The following GNG4 variants were observed in gnomAD, a reference collection of about 807,000 sequenced individuals.
GNG4 encodes G protein subunit gamma 4, also known as guanine nucleotide-binding protein G(I)/G(S)/G(O) subunit gamma-4.
A neutral mutation model predicts 5.8 loss-of-function variants in GNG4; 4 were observed. That is an observed-to-expected ratio of 0.69 (90% CI 0.34 to 1.57). The LOEUF (loss-of-function observed/expected upper bound fraction) is 1.57. Among genes scored for constraint, GNG4 ranks in the 40% most tolerant of loss-of-function variants. GNG4 has a pLI of 0.06. For synonymous variants in GNG4, 29 were observed against 32.9 expected (o/e 0.88, Z 0.41); for missense variants, 96 against 95.1 (o/e 1.01, Z -0.04).
chr1:235,548,670 G>A lies in GNG4; in HGVS notation c.*3439C>T, dbSNP rs1373259504. 6.6e-6 allele frequency: 1 copy of A among 152,212 alleles called. No individual in the cohort carries two copies. The highest frequency in any genetic ancestry group is 2.4e-5 in the African/African-American group (1 of 41,422). 9.4% of individuals were successfully genotyped at this position (152,212 alleles called of 1,614,324 possible). A position where few individuals can be genotyped will look rare whatever the true frequency, so the allele number is the denominator to read the frequency against. On this transcript the variant is annotated 3_prime_UTR_variant, in exon 4 of 4. Coordinates refer to ENST00000391854, the MANE Select transcript of GNG4 (RefSeq NM_001098722.2). ...ACTTCCCTTCTTCAGCTTCCACGGTGGGTACTGCACACCACTAAGTTTATA... is the reference window on the plus strand; with the variant it reads ...ACTTCCCTTCTTCAGCTTCCACGGTAGGTACTGCACACCACTAAGTTTATA...
At chr1:235,633,456 G>A (rs1688973513) in intron 1 of GNG4, among the ~76,000 whole-genome samples, 1 of 152,102 alleles carries the variant, frequency 6.6e-6, no homozygotes, top group Non-Finnish European at 1.5e-5. Flanking sequence ...GGCTGGCTCT[G>A]GTTATTTCTC....
At chr1:235,585,886 A>C (rs1687747626) in intron 2 of GNG4, among the ~76,000 whole-genome samples, 2 of 152,206 alleles carry the variant, frequency 1.3e-5, no homozygotes, top group South Asian at 4.1e-4. Context: ...TTAAGTAATA[A>C]ATTAAGTCAT....
chr1:235,567,488 G>C (rs979268161), intron 3 of GNG4, among the ~76,000 whole-genome samples: 3 of 152,084 alleles, frequency 2.0e-5, no homozygotes, highest in Non-Finnish European at 4.4e-5. Context: ...CCCAGGCCCT[G>C]GAGAACACCA....
chr1:235,555,732 G>T (rs1686885610), intron 3 of GNG4, among the ~76,000 whole-genome samples: 1 of 151,084 alleles, frequency 6.6e-6, no homozygotes, highest in Non-Finnish European at 1.5e-5. Flanking sequence ...AAATAAAAAT[G>T]GAATATATTT....
At chr1:235,607,492 G>A (rs1235450012) in intron 1 of GNG4, among the ~76,000 whole-genome samples, 1 of 152,198 alleles carries the variant, frequency 6.6e-6, no homozygotes, top group Non-Finnish European at 1.5e-5. Context: ...CTACTCTCGG[G>A]AGGCAGCCGC....
chr1:235,561,110 A>C (rs1255018655), intron 3 of GNG4, among the ~76,000 whole-genome samples: 1 of 152,180 alleles, frequency 6.6e-6, no homozygotes, highest in Non-Finnish European at 1.5e-5. Flanking sequence ...CACGGGTTCA[A>C]GACATTCTCC....
At position 235,627,347 on chromosome 1, in the gene GNG4, C is replaced by T. The variant is rs554907814; in HGVS notation, c.-123+22315G>A. Among the ~76,000 whole-genome samples the T allele has an allele frequency of 5.6e-4, 85 of 152,118 alleles. No homozygotes were observed. In the East Asian group the frequency reaches 0.014, roughly 25 times the overall value. On this transcript the variant is annotated intron_variant, in intron 1 of 3. Coordinates refer to ENST00000391854, the MANE Select transcript of GNG4 (RefSeq NM_001098722.2). Reference sequence around the variant, plus strand: ...AAGCAATTCTCCTGCCTCAGCCTCCCGAGTAGCTGGGACTACAGGTGTCCG... The same window carrying T: ...AAGCAATTCTCCTGCCTCAGCCTCCTGAGTAGCTGGGACTACAGGTGTCCG...
At chr1:235,552,477 C>A (rs1190670618) in intron 3 of GNG4, among the ~76,000 whole-genome samples, 1 of 152,160 alleles carries the variant, frequency 6.6e-6, no homozygotes, top group Non-Finnish European at 1.5e-5. Context: ...GGAGACAGGA[C>A]TGAGGGCTGG....
At chr1:235,586,008 ACT>A (rs1235008856) in intron 2 of GNG4, among the ~76,000 whole-genome samples, 1 of 152,016 alleles carries the variant, frequency 6.6e-6, no homozygotes, top group East Asian at 1.9e-4. Flanking sequence ...TATGGGACCC[ACT>A]CTCTCTGTGG....
At chr1:235,613,811 G>T (rs1430025859) in intron 1 of GNG4, among the ~76,000 whole-genome samples, 1 of 152,166 alleles carries the variant, frequency 6.6e-6, no homozygotes, top group African/African-American at 2.4e-5. Context: ...ACAGAGCTAG[G>T]TAGTTGCCAA....
chr1:235,631,013 C>T (rs1235729245), intron 1 of GNG4, among the ~76,000 whole-genome samples: 5 of 152,106 alleles, frequency 3.3e-5, no homozygotes, highest in African/African-American at 9.7e-5. Flanking sequence ...ATTCTCCTGC[C>T]TCAGCCTCCT....
At chr1:235,563,622 T>G (rs1000033319) in intron 3 of GNG4, among the ~76,000 whole-genome samples, 1 of 152,134 alleles carries the variant, frequency 6.6e-6, no homozygotes, top group African/African-American at 2.4e-5. Flanking sequence ...AGTCCTCGTG[T>G]GGGGAAACAA....
chr1:235,623,655 T>C (rs549864100), intron 1 of GNG4, among the ~76,000 whole-genome samples: 1 of 152,286 alleles, frequency 6.6e-6, no homozygotes, highest in South Asian at 2.1e-4. Context: ...TCCACTCCCA[T>C]ACCTTGCATC....
At chr1:235,581,549 C>G (rs569550076) in intron 3 of GNG4, among the ~76,000 whole-genome samples, 7 of 151,850 alleles carry the variant, frequency 4.6e-5, no homozygotes, top group Non-Finnish European at 1.0e-4. Context: ...GTATCGCCTC[C>G]CCCTTCTCTC....
At chr1:235,620,436 T>C (rs1288190054) in intron 1 of GNG4, among the ~76,000 whole-genome samples, 1 of 152,240 alleles carries the variant, frequency 6.6e-6, no homozygotes, top group Non-Finnish European at 1.5e-5. Flanking sequence ...TTAGTGGGGC[T>C]GGAGACAGTC....
At chr1:235,616,247 G>T in intron 1 of GNG4, 1 of 506,298 alleles carries the variant, frequency 2.0e-6, no homozygotes, top group South Asian at 1.5e-5. Context: ...TGCTGTGGTT[G>T]ATATGTTCCC....
At chr1:235,584,867 T>C (rs879543427) in intron 2 of GNG4, among the ~76,000 whole-genome samples, 3 of 152,236 alleles carry the variant, frequency 2.0e-5, no homozygotes, top group Non-Finnish European at 4.4e-5. Flanking sequence ...TCTGTTTATA[T>C]TTTATTTCAG....
chr1:235,583,703 T>C (rs1687697072), intron 3 of GNG4, 37 bp downstream of exon 3: 3 of 1,345,840 alleles, frequency 2.2e-6, no homozygotes, highest in African/African-American at 2.9e-5. Flanking sequence ...TGAGCTGAGC[T>C]TCGGGCGGAG....
At chr1:235,572,891 A>G (rs921819571) in intron 3 of GNG4, among the ~76,000 whole-genome samples, 4 of 152,194 alleles carry the variant, frequency 2.6e-5, no homozygotes, top group African/African-American at 9.7e-5. Flanking sequence ...GCCTGACAGT[A>G]TATATCTCTC....
Sources: gnomAD v4.1 joint callset for allele counts (sites outside exome capture counted in the v4.1 genomes callset) on GRCh38, gnomAD v4.1.1 for gene constraint, MANE v1.5 for transcripts, NCBI Gene and HGNC (gene_info 2026-07-23, HGNC 2026-07-21) for gene names.